Variants in SPATA1 observed in about 807,000 individuals in gnomAD.
The protein encoded by SPATA1 is spermatogenesis-associated protein 1.
In SPATA1, 57 loss-of-function variants were observed where a neutral mutation model predicts 59.6. That is an observed-to-expected ratio of 0.96 (90% CI 0.77 to 1.19). The LOEUF is 1.19. Ranked by LOEUF, SPATA1 falls within the 50% of genes most tolerant of loss-of-function variation. SPATA1 has a pLI of 0.00. For missense variants in SPATA1, 448 were observed against 480.7 expected, an observed-to-expected ratio of 0.93 and a Z score of 0.64; for synonymous variants, 147 against 163.9, an observed-to-expected ratio of 0.90 and a Z score of 0.79.
chr1:84,537,098 T>C (rs543136222), intron 8 of SPATA1, among the ~76,000 whole-genome samples: 3 of 151,936 alleles, frequency 2.0e-5, no homozygotes, highest in South Asian at 4.2e-4. Context: ...CAGGCTGGTC[T>C]TGGACTCCTG....
intron 4 of SPATA1, among the ~76,000 whole-genome samples, chr1:84,562,439 T>C (rs898154797): frequency 6.6e-6 from 1 of 152,232 alleles, no homozygotes; most frequent in Non-Finnish European, 1.5e-5. Flanking sequence ...ATTTATGACA[T>C]GTAGTGTGTT....
chr1:84,548,691 T>C, intron 10 of SPATA1, 95 bp from the exon 11 acceptor site: 1 of 1,319,234 alleles, frequency 7.6e-7, no homozygotes, highest in Non-Finnish European at 9.8e-7. Flanking sequence ...TGACATTAGC[T>C]CTAGGATCCT....
intron 1 of SPATA1, 63 bp from the exon 2 acceptor site, chr1:84,516,158 TAA>T: frequency 4.0e-6 from 2 of 494,010 alleles, no homozygotes; most frequent in South Asian, 7.0e-5. Flanking sequence ...TATATATGTC[TAA>T]GTTTTCATTT....
chr1:84,563,092 A>C (rs1223852413), intron 4 of SPATA1, among the ~76,000 whole-genome samples: 1 of 152,236 alleles, frequency 6.6e-6, no homozygotes, highest in Non-Finnish European at 1.5e-5. Flanking sequence ...AGGGAACTAA[A>C]GTTCCTGATT....
intron 7 of SPATA1, 109 bp downstream of exon 7, chr1:84,533,083 A>G (rs1218487501): frequency 1.5e-6 from 1 of 664,550 alleles, no homozygotes; most frequent in African/African-American, 1.8e-5. Context: ...TATGAGTGAA[A>G]TTAGTGATAT....
chr1:84,565,764 T>TA, intron 4 of SPATA1, 97 bp from the exon 14 acceptor site: 1 of 827,802 alleles, frequency 1.2e-6, no homozygotes, highest in Non-Finnish European at 1.6e-6. Context: ...AACTTAGAAA[T>TA]ACTAAAAACA....
intron 8 of SPATA1, among the ~76,000 whole-genome samples, chr1:84,541,956 T>G (rs1026419313): frequency 6.6e-6 from 1 of 151,974 alleles, no homozygotes; most frequent in Non-Finnish European, 1.5e-5. Context: ...TGTTTGTTTT[T>G]TTGTTGTTGT....
chr1:84,530,199 TA>T (rs1240472187), intron 6 of SPATA1, among the ~76,000 whole-genome samples: 1 of 152,110 alleles, frequency 6.6e-6, no homozygotes, highest in Non-Finnish European at 1.5e-5. Context: ...ATTCTTAAGG[TA>T]GCATAGAGAA....
chr1:84,525,984 G>A, exon 6 of SPATA1: 1 of 1,613,668 alleles, frequency 6.2e-7, no homozygotes. Flanking sequence ...AGACCAATTA[G>A]TGTAACTTTG....
downstream of SPATA1, among the ~76,000 whole-genome samples, chr1:84,557,932 C>T (rs1382830872): frequency 1.3e-5 from 2 of 151,324 alleles, no homozygotes; most frequent in Admixed American, 6.6e-5. Context: ...GCCTTCAATG[C>T]GCACCAAAAT....
At chr1:84,529,370 C>G (rs1449988259) in intron 6 of SPATA1, among the ~76,000 whole-genome samples, 1 of 151,990 alleles carries the variant, frequency 6.6e-6, no homozygotes, top group African/African-American at 2.4e-5. Flanking sequence ...AACACAGTGC[C>G]TAGACCACAG....
At chr1:84,535,562 AT>A (rs987505684) in intron 8 of SPATA1, among the ~76,000 whole-genome samples, 4 of 152,120 alleles carry the variant, frequency 2.6e-5, no homozygotes, top group African/African-American at 9.6e-5. Context: ...TATTACATTT[AT>A]TTTTAGATAT....
At chr1:84,528,468 T>C (rs1349446606) in intron 6 of SPATA1, among the ~76,000 whole-genome samples, 1 of 152,226 alleles carries the variant, frequency 6.6e-6, no homozygotes, top group Non-Finnish European at 1.5e-5. Flanking sequence ...GTTATGTCTG[T>C]TTTGAATTTT....
intron 4 of SPATA1, among the ~76,000 whole-genome samples, chr1:84,560,869 T>C (rs1684583311): frequency 6.6e-6 from 1 of 152,162 alleles, no homozygotes; most frequent in Non-Finnish European, 1.5e-5. Flanking sequence ...ACTGCTGAGA[T>C]GTACTAAGAA....
At chr1:84,539,007 C>T (rs765765231) in intron 8 of SPATA1, among the ~76,000 whole-genome samples, 1 of 152,082 alleles carries the variant, frequency 6.6e-6, no homozygotes, top group Non-Finnish European at 1.5e-5. Flanking sequence ...CTCCATGTTG[C>T]CCAGGCTGGT....
At chr1:84,565,620 A>T (rs1384683511) in intron 4 of SPATA1, among the ~76,000 whole-genome samples, 1 of 152,214 alleles carries the variant, frequency 6.6e-6, no homozygotes, top group East Asian at 1.9e-4. Context: ...CTAGAAATAT[A>T]CCTATACCAC....
At chr1:84,556,844 T>C (rs1489429768), downstream of SPATA1, among the ~76,000 whole-genome samples, 1 of 152,184 alleles carries the variant, frequency 6.6e-6, no homozygotes, top group Non-Finnish European at 1.5e-5. Context: ...TTCCATTCTT[T>C]AACATTTTTA....
chr1:84,558,879 T>C (rs1203491020), downstream of SPATA1, among the ~76,000 whole-genome samples: 3 of 151,962 alleles, frequency 2.0e-5, no homozygotes, highest in African/African-American at 7.2e-5. Context: ...CCATCCTGGG[T>C]GACAGAGCAA....
exon 6 of SPATA1, chr1:84,525,982 T>G: frequency 6.2e-7 from 1 of 1,613,724 alleles, no homozygotes. Context: ...ACAGACCAAT[T>G]AGTGTAACTT....
Sources: gnomAD v4.1 joint callset for allele counts (sites outside exome capture counted in the v4.1 genomes callset) on GRCh38, gnomAD v4.1.1 for gene constraint, MANE v1.5 for transcripts, NCBI Gene and HGNC (gene_info 2026-07-23, HGNC 2026-07-21) for gene names.